The following MYO1D variants were observed in gnomAD, a reference collection of about 807,000 sequenced individuals.
MYO1D encodes myosin ID, also known as unconventional myosin-Id.
MYO1D carries 83 observed loss-of-function variants against 122.0 expected under a neutral mutation model. The ratio of observed to expected loss-of-function variants is 0.68; its 90% CI spans 0.57 to 0.82. The LOEUF is 0.82. Ranked by LOEUF, MYO1D falls within the 40% of genes least tolerant of loss-of-function variation. MYO1D has a pLI of 0.00. For missense variants in MYO1D, 1,157 were observed against 1,269.5 expected, an observed-to-expected ratio of 0.91 and a Z score of 1.35; for synonymous variants, 464 against 446.9, an observed-to-expected ratio of 1.04 and a Z score of -0.48.
At chr17:32,656,971 G>C (rs1191831052) in intron 17 of MYO1D, among the ~76,000 whole-genome samples, 1 of 152,182 alleles carries the variant, frequency 6.6e-6, no homozygotes, top group Non-Finnish European at 1.5e-5. Flanking sequence ...GACTCCAAAG[G>C]CCACAGAAGC....
chr17:32,563,974 CAGTG>C (rs1476779785), intron 21 of MYO1D, among the ~76,000 whole-genome samples: 4 of 152,228 alleles, frequency 2.6e-5, no homozygotes, highest in African/African-American at 4.8e-5. Context: ...TAGCAGGAGA[CAGTG>C]AGATCGATCC....
chr17:32,655,239 A>C (rs1038506489), intron 17 of MYO1D, among the ~76,000 whole-genome samples: 1 of 152,210 alleles, frequency 6.6e-6, no homozygotes, highest in Non-Finnish European at 1.5e-5. Context: ...TCATTCAACG[A>C]AGGTTTTCTA....
At chr17:32,651,590 T>C (rs1427936583) in intron 19 of MYO1D, among the ~76,000 whole-genome samples, 1 of 152,170 alleles carries the variant, frequency 6.6e-6, no homozygotes, top group Admixed American at 6.5e-5. Context: ...GAACATTGTC[T>C]TTCCTTGCTT....
chr17:32,731,763 G>A (rs1022946926), intron 14 of MYO1D, among the ~76,000 whole-genome samples: 2 of 152,202 alleles, frequency 1.3e-5, no homozygotes, highest in African/African-American at 4.8e-5. Context: ...GGGTGCAGCT[G>A]TGGCCGCCCA....
intron 1 of MYO1D, among the ~76,000 whole-genome samples, chr17:32,862,015 C>T (rs2091081560): frequency 6.6e-6 from 1 of 152,162 alleles, no homozygotes; most frequent in Non-Finnish European, 1.5e-5. Context: ...CAGACCTTGT[C>T]TCAATAAATA....
intron 16 of MYO1D, among the ~76,000 whole-genome samples, chr17:32,700,439 G>A (rs2089231963): frequency 1.3e-5 from 2 of 152,166 alleles, no homozygotes; most frequent in African/African-American, 4.8e-5. Context: ...ACCAGTACCA[G>A]TCCGTGGCAC....
chr17:32,546,557 A>G (rs1434280163), intron 21 of MYO1D, among the ~76,000 whole-genome samples: 1 of 152,200 alleles, frequency 6.6e-6, no homozygotes, highest in Non-Finnish European at 1.5e-5. Context: ...TTTAATTCCT[A>G]TGTGCTGGCT....
intron 16 of MYO1D, among the ~76,000 whole-genome samples, chr17:32,688,601 G>A (rs906194727): frequency 2.0e-5 from 3 of 152,194 alleles, no homozygotes; most frequent in African/African-American, 7.2e-5. Flanking sequence ...ATACATACAG[G>A]TGAAAAAGCA....
At chr17:32,499,285 T>A (rs916605530) in intron 21 of MYO1D, 4 of 152,320 alleles carry the variant, frequency 2.6e-5, no homozygotes, top group African/African-American at 9.7e-5. Flanking sequence ...GAGGATCACT[T>A]GAGCCCAGTT....
Position 32,665,398 on chromosome 17 carries a change from T to G in MYO1D, c.2122-6060A>C, listed in dbSNP as rs543291907. Among the ~76,000 whole-genome samples, 48 of 152,334 alleles carry G rather than the reference T, an allele frequency of 3.2e-4. 1 individual carries two copies. The highest frequency in any genetic ancestry group is 6.8e-3 in the Middle Eastern group (2 of 294). On this transcript the variant is annotated intron_variant, in intron 16 of 21. Coordinates refer to ENST00000318217, the MANE Select transcript of MYO1D (RefSeq NM_015194.3). ...GTTTTGCTCACTGATGTATTTCCAC[T>G]GTTTGGAACAATGCCAAGGACCTAG...
At chr17:32,769,328 T>C (rs1339363767) in intron 6 of MYO1D, among the ~76,000 whole-genome samples, 1 of 152,178 alleles carries the variant, frequency 6.6e-6, no homozygotes, top group African/African-American at 2.4e-5. Flanking sequence ...AGTTGTAAGT[T>C]GGGGAAACAA....
intron 1 of MYO1D, among the ~76,000 whole-genome samples, chr17:32,857,402 G>A (rs751117440): frequency 1.3e-5 from 2 of 151,970 alleles, no homozygotes; most frequent in Non-Finnish European, 1.5e-5. Context: ...TGGCTAACAC[G>A]GTGAAACCCC....
chr17:32,864,991 T>C (rs1375424467), intron 1 of MYO1D, among the ~76,000 whole-genome samples: 3 of 152,198 alleles, frequency 2.0e-5, no homozygotes, highest in African/African-American at 4.8e-5. Context: ...ATTTTTTGAA[T>C]TGTTTATAGG....
intron 16 of MYO1D, chr17:32,686,517 G>A (rs543269155): frequency 1.3e-5 from 2 of 152,136 alleles, no homozygotes; most frequent in Non-Finnish European, 2.9e-5. Context: ...AGCAGCCTTA[G>A]GACACTAACG....
chr17:32,797,434 T>C (rs563035250), intron 1 of MYO1D, among the ~76,000 whole-genome samples: 4 of 152,214 alleles, frequency 2.6e-5, no homozygotes, highest in Non-Finnish European at 5.9e-5. Context: ...GTCCCCCTTA[T>C]CCAAAGTTTC....
At chr17:32,803,133 C>T (rs1449737183) in intron 1 of MYO1D, among the ~76,000 whole-genome samples, 2 of 151,980 alleles carry the variant, frequency 1.3e-5, no homozygotes, top group Admixed American at 6.6e-5. Flanking sequence ...CCAAGTTGTG[C>T]CAGAACTTCC....
intron 21 of MYO1D, among the ~76,000 whole-genome samples, chr17:32,581,753 G>A (rs938598080): frequency 6.6e-6 from 1 of 151,738 alleles, no homozygotes; most frequent in Non-Finnish European, 1.5e-5. Context: ...GTGTGTGTGT[G>A]TGTGTGTGTG....
intron 21 of MYO1D, among the ~76,000 whole-genome samples, chr17:32,535,976 G>A (rs1365203736): frequency 6.6e-6 from 1 of 152,202 alleles, no homozygotes; most frequent in African/African-American, 2.4e-5. Flanking sequence ...CTGCAGACTG[G>A]AAGAGTGCAG....
At chr17:32,613,812 A>AAAAAAAAAC in intron 20 of MYO1D, among the ~76,000 whole-genome samples, 1 of 130,976 alleles carries the variant, frequency 7.6e-6, no homozygotes, top group Non-Finnish European at 1.7e-5. Flanking sequence ...AAAAAAAAAA[A>AAAAAAAAAC]AAGAAATACC....
Sources: allele counts gnomAD v4.1 joint callset (sites outside exome capture counted in the v4.1 genomes callset), GRCh38; gene constraint gnomAD v4.1.1; transcripts MANE v1.5; gene names NCBI Gene and HGNC (gene_info 2026-07-23, HGNC 2026-07-21).